LNPEP: variants seen among roughly 807,000 people sequenced by gnomAD.
LNPEP encodes leucyl and cystinyl aminopeptidase.
In LNPEP, 64 loss-of-function variants were observed where a neutral mutation model predicts 120.6. The observed-to-expected ratio is 0.53, with a 90% CI of 0.43 to 0.65. The LOEUF (loss-of-function observed/expected upper bound fraction) is 0.65, where lower values mean the gene tolerates loss of function less well. Ranked by LOEUF, LNPEP falls within the 30% of genes least tolerant of loss-of-function variation. LNPEP has a pLI of 0.00. For synonymous variants in LNPEP, 435 were observed against 425.4 expected, an observed-to-expected ratio of 1.02 and a Z score of -0.28; for missense variants, 1,057 against 1,200.0, an observed-to-expected ratio of 0.88 and a Z score of 1.76.
Position 97,003,398 on chromosome 5 carries a change from ACT to A in LNPEP, c.1654-16_1654-15del, listed in dbSNP as rs1491271476. ...TCTATTATTTTCTTTCTTTTTCCTC[ACT>A]TTTTTTTTTAATAGGGATCTTCTCT... is the stretch of plus-strand genomic sequence containing the variant. On this transcript the variant is annotated splice_polypyrimidine_tract_variant and intron_variant, in intron 8 of 17. Coordinates refer to ENST00000231368, the MANE Select transcript of LNPEP (RefSeq NM_005575.3). 4,810 of 1,354,158 alleles carry A rather than the reference ACT, an allele frequency of 3.6e-3. 20 individuals carry two copies. The highest frequency in any genetic ancestry group is 0.013 in the African/African-American group (913 of 67,630). 83.9% of individuals were successfully genotyped at this position (1,354,158 alleles called of 1,614,324 possible).
chr5:96,963,112 A>G (rs1041026723), intron 1 of LNPEP, among the ~76,000 whole-genome samples: 2 of 152,184 alleles, frequency 1.3e-5, no homozygotes, highest in East Asian at 1.9e-4. Context: ...GAGACACTGC[A>G]TGTGTTCCCA....
At chr5:97,007,822 G>A (rs1304371248) in intron 11 of LNPEP, among the ~76,000 whole-genome samples, 1 of 151,974 alleles carries the variant, frequency 6.6e-6, no homozygotes, top group Non-Finnish European at 1.5e-5. Flanking sequence ...ATTTTTTAAG[G>A]AATGCTTTTC....
At chr5:96,982,977 C>T (rs966191627) in intron 2 of LNPEP, among the ~76,000 whole-genome samples, 7 of 144,918 alleles carry the variant, frequency 4.8e-5, no homozygotes, top group East Asian at 1.9e-4. Flanking sequence ...GTATACAAGT[C>T]GTTTTTATTA....
Position 97,014,949 on chromosome 5 carries a change from G to A in LNPEP, c.2230G>A (p.Val744Ile), listed in dbSNP as rs370258042. ...NIFELAGLGK[V>I]PLKRAFDLIN... The stretch of plus-strand genomic sequence containing the variant: ...TCTTTTATCCTTTAGCCTAGGCAAG[G>A]TACCTCTCAAGAGGGCCTTTGATTT... The change falls in exon 13 of 18, where the codon GTA (valine) becomes ATA (isoleucine). Residue 744 changes from valine (V) to isoleucine (I), a missense_variant. Coordinates refer to ENST00000231368, the MANE Select transcript of LNPEP (RefSeq NM_005575.3). The A allele has an allele frequency of 6.2e-5, 97 of 1,561,446 alleles. No individual in the cohort carries two copies. The highest frequency in any genetic ancestry group is 6.1e-6 in the Non-Finnish European group (7 of 1,155,650).
chr5:96,948,318 C>T (rs1381409420), intron 1 of LNPEP, among the ~76,000 whole-genome samples: 2 of 152,080 alleles, frequency 1.3e-5, no homozygotes, highest in South Asian at 2.1e-4. Context: ...GGGTTACACC[C>T]TATTGGCCTG....
intron 8 of LNPEP, 38 bp downstream of exon 8, chr5:96,998,183 A>G: frequency 6.7e-7 from 1 of 1,502,466 alleles, no homozygotes; most frequent in Non-Finnish European, 9.0e-7. Flanking sequence ...GAGTGGGTTT[A>G]AAATTTCGTA....
chr5:96,966,892 T>C (rs975758329), intron 1 of LNPEP, among the ~76,000 whole-genome samples: 2 of 152,130 alleles, frequency 1.3e-5, no homozygotes, highest in African/African-American at 4.8e-5. Context: ...AAATGATGTT[T>C]CATTGTCATT....
At chr5:96,937,853 A>G (rs1439719015) in intron 1 of LNPEP, 1 of 152,224 alleles carries the variant, frequency 6.6e-6, no homozygotes, top group Non-Finnish European at 1.5e-5. Flanking sequence ...TGGGAGGACA[A>G]TGGAAAAATC....
rs570166891 is a variant in LNPEP, at chr5:97,034,628, T to C, written c.*6095T>C. The C allele has an allele frequency of 2.0e-5, 3 of 152,226 alleles. No individual in the cohort carries two copies. The East Asian group carries it at 5.8e-4, about 29-fold the overall frequency. 9.4% of individuals were successfully genotyped at this position (152,226 alleles called of 1,614,324 possible). ...AGCCTGTATACACAAGCAAGTAGTATGTGAGCACTACAGGGCTTGGGTTTT... is the reference window on the plus strand; with the variant it reads ...AGCCTGTATACACAAGCAAGTAGTACGTGAGCACTACAGGGCTTGGGTTTT... On this transcript the variant is annotated 3_prime_UTR_variant, in exon 18 of 18. Transcript: ENST00000231368.
Position 97,034,806 on chromosome 5 carries a change from A to G in LNPEP, c.*6273A>G, listed in dbSNP as rs553479785. ...CCTTTGTATGACCACTTAGGTACTT[A>G]ATAGTAATAAAGTTGAGATTGACTC... On this transcript the variant is annotated 3_prime_UTR_variant, in exon 18 of 18. Transcript: ENST00000231368. 7 of 152,204 alleles carry G rather than the reference A, an allele frequency of 4.6e-5. No individual in the cohort carries two copies. Among genetic ancestry groups the G allele is most frequent in the Non-Finnish European group, 8.8e-5 (6 of 67,984 alleles). The allele number at this position is 152,204 out of a possible 1,614,324, so 9.4% of individuals were successfully genotyped here. A position where few individuals can be genotyped will look rare whatever the true frequency, so the allele number is the denominator to read the frequency against.
chr5:97,014,205 C>T (rs995359931), intron 12 of LNPEP, among the ~76,000 whole-genome samples: 2 of 152,164 alleles, frequency 1.3e-5, no homozygotes, highest in African/African-American at 4.8e-5. Flanking sequence ...AGGGACATCT[C>T]TGATGGCTGG....
chr5:96,957,891 G>A (rs1369414342), intron 1 of LNPEP, among the ~76,000 whole-genome samples: 3 of 152,226 alleles, frequency 2.0e-5, no homozygotes, highest in African/African-American at 7.2e-5. Context: ...CTGCACATAT[G>A]TAGCTCAGTG....
At chr5:96,964,464 A>G (rs1007302851) in intron 1 of LNPEP, among the ~76,000 whole-genome samples, 1 of 152,098 alleles carries the variant, frequency 6.6e-6, no homozygotes, top group East Asian at 1.9e-4. Flanking sequence ...TTAAATGTTT[A>G]TAACCTGCTT....
chr5:96,964,552 C>T (rs919409986), intron 1 of LNPEP, among the ~76,000 whole-genome samples: 4 of 152,124 alleles, frequency 2.6e-5, no homozygotes, highest in African/African-American at 9.6e-5. Context: ...ATATCTTATT[C>T]AGTATGAATA....
intron 12 of LNPEP, 62 bp from the exon 13 acceptor site, chr5:97,014,877 C>T (rs1216054296): frequency 8.4e-7 from 1 of 1,187,654 alleles, no homozygotes; most frequent in Non-Finnish European, 1.1e-6. Flanking sequence ...TCTCTTTTAG[C>T]ATGCATAGAC....
intron 1 of LNPEP, among the ~76,000 whole-genome samples, chr5:96,952,658 G>A (rs1486348813): frequency 5.9e-5 from 9 of 152,168 alleles, no homozygotes. Context: ...CCTAGATGGT[G>A]CTAAAGTAGA....
At position 97,015,095 on chromosome 5, in the gene LNPEP, G is replaced by C. The variant is rs539258616; in HGVS notation, c.2376G>C (p.Val792=). 238 of 1,532,180 alleles carry C rather than the reference G, an allele frequency of 1.6e-4. 5 individuals carry two copies. In the South Asian group the frequency reaches 3.1e-3, roughly 20 times the overall value. 94.9% of individuals were successfully genotyped at this position (1,532,180 alleles called of 1,614,324 possible). ...ACATGGATCTGGCCTCAAGACTGGTGGTAAGTCTGCCTTTTTGCCAGCTTC... is the reference window on the plus strand; with the variant it reads ...ACATGGATCTGGCCTCAAGACTGGTCGTAAGTCTGCCTTTTTGCCAGCTTC... ...LGYMDLASRL[V]TRVFKLLQNQ... The change falls in exon 13 of 18, where the codon GTG becomes GTC. Residue 792 remains valine, a splice_region_variant and synonymous_variant. Coordinates refer to ENST00000231368, the MANE Select transcript of LNPEP (RefSeq NM_005575.3).
chr5:96,938,331 T>C (rs1228685640), intron 1 of LNPEP, among the ~76,000 whole-genome samples: 1 of 152,230 alleles, frequency 6.6e-6, no homozygotes, highest in Non-Finnish European at 1.5e-5. Flanking sequence ...TGGATTTTGT[T>C]ACACGTTCAT....
At chr5:96,989,367 AT>A (rs1207882605) in intron 4 of LNPEP, among the ~76,000 whole-genome samples, 3 of 20,600 alleles carry the variant, frequency 1.5e-4, no homozygotes, top group African/African-American at 4.1e-4. Context: ...ATTATATATA[AT>A]TATATATTAT....
Sources: gnomAD v4.1 joint callset for allele counts (sites outside exome capture counted in the v4.1 genomes callset) on GRCh38, gnomAD v4.1.1 for gene constraint, MANE v1.5 for transcripts, NCBI Gene and HGNC (gene_info 2026-07-23, HGNC 2026-07-21) for gene names.